Variants in BRINP1 observed in about 807,000 individuals in gnomAD.
The protein encoded by BRINP1 is BMP/retinoic acid-inducible neural-specific protein 1.
Under a neutral mutation model 72.9 loss-of-function variants are expected in BRINP1, and 17 were observed. The ratio of observed to expected loss-of-function variants is 0.23; its 90% CI spans 0.16 to 0.35. The LOEUF (loss-of-function observed/expected upper bound fraction) is 0.35. BRINP1 is among the 10% of genes least tolerant of loss of function. BRINP1 has a pLI of 1.00. For synonymous variants in BRINP1, 418 were observed against 378.5 expected, an observed-to-expected ratio of 1.10 and a Z score of -1.21; for missense variants, 850 against 1,001.6, an observed-to-expected ratio of 0.85 and a Z score of 2.04.
chr9:119,222,240 C>A (rs1238700958), intron 5 of BRINP1, among the ~76,000 whole-genome samples: 1 of 152,092 alleles, frequency 6.6e-6, no homozygotes, highest in East Asian at 1.9e-4. Context: ...TTCACTTTGG[C>A]AAATCACTGA....
At chr9:119,218,204 ATTT>A (rs139945643) in intron 5 of BRINP1, among the ~76,000 whole-genome samples, 2,116 of 122,936 alleles carry the variant, frequency 0.017, 29 homozygotes, top group Middle Eastern at 0.047. Flanking sequence ...TCAAATAAAT[ATTT>A]TTTTTTTTTT....
intron 7 of BRINP1, among the ~76,000 whole-genome samples, chr9:119,188,533 G>A (rs1448147376): frequency 6.6e-6 from 1 of 152,002 alleles, no homozygotes; most frequent in Non-Finnish European, 1.5e-5. Context: ...GAGGCTGAGA[G>A]GGGAGGATCA....
At chr9:119,348,857 T>C (rs1831474827) in intron 1 of BRINP1, among the ~76,000 whole-genome samples, 1 of 152,132 alleles carries the variant, frequency 6.6e-6, no homozygotes, top group African/African-American at 2.4e-5. Context: ...CATTAATAAA[T>C]AAATAAGCAA....
intron 1 of BRINP1, among the ~76,000 whole-genome samples, chr9:119,345,589 ACTT>A (rs1831441472): frequency 6.6e-6 from 1 of 152,082 alleles, no homozygotes; most frequent in South Asian, 2.1e-4. Flanking sequence ...AGCTTTTTCA[ACTT>A]CTCCATCCCA....
intron 7 of BRINP1, among the ~76,000 whole-genome samples, chr9:119,174,979 A>T (rs1226872695): frequency 1.2e-4 from 15 of 122,706 alleles, no homozygotes; most frequent in East Asian, 8.4e-4. Flanking sequence ...GGGTGGGGGG[A>T]GGAGGGAGGG....
chr9:119,271,072 A>C (rs1830600831), intron 2 of BRINP1, among the ~76,000 whole-genome samples: 1 of 152,212 alleles, frequency 6.6e-6, no homozygotes, highest in Non-Finnish European at 1.5e-5. Context: ...TATCTGACCT[A>C]ATCTAGGTAT....
In BRINP1 at chr9:119,173,867, A is replaced by G. The variant is rs1564209103; in HGVS notation, c.1146-5643T>C. On this transcript the variant is annotated intron_variant, in intron 7 of 7. Coordinates refer to ENST00000265922, the MANE Select transcript of BRINP1 (RefSeq NM_014618.3). ...TCTACAACTATCTGATCTTTGACAAACCTGAGAAAAACAAGCAATGGGGAA... is the reference window on the plus strand; with the variant it reads ...TCTACAACTATCTGATCTTTGACAAGCCTGAGAAAAACAAGCAATGGGGAA... Among the ~76,000 whole-genome samples, 3 of 138,460 alleles carry G rather than the reference A, an allele frequency of 2.2e-5. 1 individual carries two copies. The highest frequency in any genetic ancestry group is 2.0e-4 in the East Asian group (1 of 5,106). The allele number at this position is 138,460 out of a possible 152,430, so 90.8% of individuals were successfully genotyped here. A position where few individuals can be genotyped will look rare whatever the true frequency, so the allele number is the denominator to read the frequency against.
At chr9:119,301,917 T>G (rs938373225) in intron 2 of BRINP1, among the ~76,000 whole-genome samples, 3 of 152,222 alleles carry the variant, frequency 2.0e-5, no homozygotes, top group African/African-American at 7.2e-5. Context: ...TCTCCCATCT[T>G]TCACCCATTA....
At position 119,369,258 on chromosome 9, in the gene BRINP1, T is replaced by A. The variant is rs1475289253; in HGVS notation, c.-253A>T. 2.5e-6 allele frequency: 1 copy of A among 398,612 alleles called. No individual in the cohort carries two copies. Among genetic ancestry groups the A allele is most frequent in the Non-Finnish European group, 4.4e-6 (1 of 226,176 alleles). The allele number at this position is 398,612 out of a possible 1,614,324, so 24.7% of individuals were successfully genotyped here. A position where few individuals can be genotyped will look rare whatever the true frequency, so the allele number is the denominator to read the frequency against. On this transcript the variant is annotated 5_prime_UTR_variant, in exon 1 of 8. Transcript: ENST00000265922. Reference sequence around the variant, plus strand: ...CGCTGGTCCCGAGGACAGGCATGAATCCCGGCTCCGGAAGGCGGTCACTAC... The same window carrying A: ...CGCTGGTCCCGAGGACAGGCATGAAACCCGGCTCCGGAAGGCGGTCACTAC...
intron 2 of BRINP1, among the ~76,000 whole-genome samples, chr9:119,250,602 T>A (rs569909662): frequency 2.6e-4 from 40 of 152,356 alleles, no homozygotes; most frequent in African/African-American, 8.9e-4. Flanking sequence ...TTTATAACTT[T>A]ATTTTCTCAC....
In BRINP1 at chr9:119,341,740, C is replaced by T. The variant is rs553666309; in HGVS notation, c.-51+27316G>A. ...TGATAGGTTTATTGGTAAGTAACGC[C>T]ATTATAAGTCCAAGAGCATCTGTAT... On this transcript the variant is annotated intron_variant, in intron 1 of 7. Coordinates refer to ENST00000265922, the MANE Select transcript of BRINP1 (RefSeq NM_014618.3). Among the ~76,000 whole-genome samples, 18 of 152,200 alleles carry T rather than the reference C, an allele frequency of 1.2e-4. No homozygotes were observed. In the South Asian group the frequency reaches 3.7e-3, roughly 32 times the overall value.
chr9:119,192,253 C>A (rs747577872), intron 7 of BRINP1, among the ~76,000 whole-genome samples: 1 of 151,790 alleles, frequency 6.6e-6, no homozygotes, highest in Non-Finnish European at 1.5e-5. Flanking sequence ...ATAAATGAGC[C>A]TATAGTAAAC....
intron 2 of BRINP1, among the ~76,000 whole-genome samples, chr9:119,278,627 C>T (rs1019519973): frequency 2.0e-5 from 3 of 152,164 alleles, no homozygotes; most frequent in African/African-American, 4.8e-5. Flanking sequence ...CGGTGGCTCG[C>T]GCCTGTAATC....
At chr9:119,268,815 T>G (rs1830579780) in intron 2 of BRINP1, among the ~76,000 whole-genome samples, 1 of 152,230 alleles carries the variant, frequency 6.6e-6, no homozygotes, top group South Asian at 2.1e-4. Flanking sequence ...AATAAATATT[T>G]GTTGAGCACA....
At chr9:119,339,557 G>T (rs1282047261) in intron 1 of BRINP1, among the ~76,000 whole-genome samples, 1 of 152,200 alleles carries the variant, frequency 6.6e-6, no homozygotes, top group Non-Finnish European at 1.5e-5. Flanking sequence ...GCATGAATAT[G>T]AATGCAAATC....
At chr9:119,224,241 T>G (rs1018223845) in intron 5 of BRINP1, among the ~76,000 whole-genome samples, 3 of 152,018 alleles carry the variant, frequency 2.0e-5, no homozygotes, top group African/African-American at 7.2e-5. Context: ...CGAGTTTGCA[T>G]AGGAACAAAA....
chr9:119,348,683 T>A (rs1391513204), intron 1 of BRINP1, among the ~76,000 whole-genome samples: 3 of 152,306 alleles, frequency 2.0e-5, no homozygotes, highest in Non-Finnish European at 4.4e-5. Context: ...AATCTCCTGA[T>A]CCCATAGGAA....
At chr9:119,216,350 G>A (rs149439781) in intron 5 of BRINP1, among the ~76,000 whole-genome samples, 38 of 152,272 alleles carry the variant, frequency 2.5e-4, no homozygotes, top group African/African-American at 7.5e-4. Context: ...GTTGAACAAC[G>A]GGCTGCTGTG....
intron 2 of BRINP1, among the ~76,000 whole-genome samples, chr9:119,268,285 T>TAGATAGATAGATAGAC (rs1554752343): frequency 0.099 from 14,718 of 148,504 alleles, 911 homozygotes; most frequent in East Asian, 0.19. Flanking sequence ...GATAGATAGA[T>TAGATAGATAGATAGAC]AGATAGATAG....
Sources: allele counts gnomAD v4.1 joint callset (sites outside exome capture counted in the v4.1 genomes callset), GRCh38; gene constraint gnomAD v4.1.1; transcripts MANE v1.5; gene names NCBI Gene and HGNC (gene_info 2026-07-23, HGNC 2026-07-21).